ZNF354A: variants seen among roughly 807,000 people sequenced by gnomAD.
ZNF354A encodes the protein epididymis luminal protein 104.
In ZNF354A, 25 loss-of-function variants were observed where a neutral mutation model predicts 53.3. The observed-to-expected ratio is 0.47, with a 90% CI of 0.34 to 0.66. The LOEUF (loss-of-function observed/expected upper bound fraction) is 0.66. ZNF354A is among the 30% of genes least tolerant of loss of function. The pLI, the probability that ZNF354A is intolerant of heterozygous loss-of-function variation, is 0.01. For missense variants in ZNF354A, 586 were observed against 716.8 expected (o/e 0.82, Z 2.08); for synonymous variants, 228 against 249.0 (o/e 0.92, Z 0.79).
At chr5:178,729,775 G>C (rs991294750) in intron 1 of ZNF354A, among the ~76,000 whole-genome samples, 32 of 151,804 alleles carry the variant, frequency 2.1e-4, no homozygotes, top group Non-Finnish European at 4.4e-4. Flanking sequence ...TCGAACTCCT[G>C]ATCTCAGGTG....
At chr5:178,715,869 T>C (rs1364430073) in intron 4 of ZNF354A, among the ~76,000 whole-genome samples, 2 of 150,572 alleles carry the variant, frequency 1.3e-5, no homozygotes, top group Non-Finnish European at 2.9e-5. Context: ...GCCAATTCAG[T>C]CTCCACACTG....
intron 1 of ZNF354A, among the ~76,000 whole-genome samples, chr5:178,729,872 G>GCTTCTCTTTTTTTT (rs746292908): frequency 7.0e-6 from 1 of 143,338 alleles, no homozygotes; most frequent in Non-Finnish European, 1.5e-5. Context: ...CTAACACGAT[G>GCTTCTCTTTTTTTT]TTTCTTTTTT....
At position 178,711,987 on chromosome 5, in the gene ZNF354A, T is replaced by G; in HGVS notation, c.*73A>C. On this transcript the variant is annotated 3_prime_UTR_variant, in exon 5 of 5. Coordinates refer to ENST00000335815, the MANE Select transcript of ZNF354A (RefSeq NM_005649.3). ...CAGTTTTTTTCACATCCATTACATT[T>G]ATTACATCTCTCTCAAGGATGTATT... is the stretch of plus-strand genomic sequence containing the variant. 6.7e-7 allele frequency: 1 copy of G among 1,492,490 alleles called. No individual in the cohort carries two copies. The highest frequency in any genetic ancestry group is 8.9e-7 in the Non-Finnish European group (1 of 1,118,420). 92.5% of individuals were successfully genotyped at this position (1,492,490 alleles called of 1,614,324 possible).
chr5:178,719,933 C>T lies in ZNF354A; in HGVS notation c.256+5443G>A, dbSNP rs939365607. Among the ~76,000 whole-genome samples, 6 of 132,060 alleles carry T rather than the reference C, an allele frequency of 4.5e-5. No homozygotes were observed. In the South Asian group the frequency reaches 8.4e-4, roughly 19 times the overall value. The allele number at this position is 132,060 out of a possible 152,430, so 86.6% of individuals were successfully genotyped here. ...CCGCACTCCAGCCTGGGCGACAGAG[C>T]GAGACTCCGTCTCAAAAAAAAAAAA... is the stretch of plus-strand genomic sequence containing the variant. On this transcript the variant is annotated intron_variant, in intron 4 of 4. Coordinates refer to ENST00000335815, the MANE Select transcript of ZNF354A (RefSeq NM_005649.3).
rs367747046 is a variant in ZNF354A, at chr5:178,725,474, G to A, written c.161-3C>T. ...TTTTGGTTTGGTAAATGGGAGCCCTGCACATAAACAAAAAACCACAACCAA... is the reference window on the plus strand; with the variant it reads ...TTTTGGTTTGGTAAATGGGAGCCCTACACATAAACAAAAAACCACAACCAA... On this transcript the variant is annotated splice_polypyrimidine_tract_variant and splice_region_variant and intron_variant, in intron 3 of 4. Coordinates refer to ENST00000335815, the MANE Select transcript of ZNF354A (RefSeq NM_005649.3). 2 of 1,613,338 alleles carry A rather than the reference G, an allele frequency of 1.2e-6. No individual in the cohort carries two copies. Among genetic ancestry groups the A allele is most frequent in the Non-Finnish European group, 1.7e-6 (2 of 1,179,734 alleles).
chr5:178,724,218 G>C (rs371507762), intron 4 of ZNF354A, among the ~76,000 whole-genome samples: 1 of 149,428 alleles, frequency 6.7e-6, no homozygotes, highest in Non-Finnish European at 1.5e-5. Context: ...GCTCTGCAAG[G>C]CTTCCCGCCT....
intron 2 of ZNF354A, among the ~76,000 whole-genome samples, chr5:178,727,872 C>CAG (rs1226383692): frequency 6.6e-6 from 1 of 151,660 alleles, no homozygotes; most frequent in Non-Finnish European, 1.5e-5. Context: ...TTCTTTGAGA[C>CAG]AGAGTTTGGC....
At chr5:178,716,178 G>A (rs1022703029) in intron 4 of ZNF354A, among the ~76,000 whole-genome samples, 1 of 152,122 alleles carries the variant, frequency 6.6e-6, no homozygotes, top group African/African-American at 2.4e-5. Context: ...TTACAGGTGT[G>A]AGCCATCATG....
intron 4 of ZNF354A, among the ~76,000 whole-genome samples, chr5:178,714,912 G>A (rs540051682): frequency 1.2e-4 from 19 of 152,276 alleles, no homozygotes; most frequent in African/African-American, 1.4e-4. Flanking sequence ...TGAATTAATC[G>A]ACAAGAGGTG....
At chr5:178,725,564 G>T in intron 3 of ZNF354A, 93 bp from the exon 4 acceptor site, 1 of 1,330,248 alleles carries the variant, frequency 7.5e-7, no homozygotes, top group Non-Finnish European at 1.1e-6. Context: ...CTCACAGGAT[G>T]GTACAAAGAG....
At position 178,712,329 on chromosome 5, in the gene ZNF354A, T is replaced by G; in HGVS notation, c.1549A>C (p.Thr517Pro). Reference protein sequence around the residue: ...SSLSNHQRIHTGEKPYRCEEC... With the variant: ...SSLSNHQRIHPGEKPYRCEEC... ...TCACATCGATATGGTTTCTCTCCAG[T>G]ATGAATTCTCTGGTGATTACTAAGT... Residue 517 changes from threonine to proline, a missense_variant, in exon 5 of 5, where the codon ACT (threonine) becomes CCT (proline). Physicochemically the swap from Thr to Pro is conservative, Grantham distance 38. Transcript: ENST00000335815. The G allele has an allele frequency of 6.2e-7, 1 of 1,614,164 alleles. No homozygotes were observed. Among genetic ancestry groups the G allele is most frequent in the South Asian group, 1.1e-5 (1 of 91,084 alleles).
intron 4 of ZNF354A, among the ~76,000 whole-genome samples, chr5:178,715,361 T>A (rs905764745): frequency 1.3e-5 from 2 of 152,214 alleles, no homozygotes; most frequent in African/African-American, 4.8e-5. Context: ...TCTTCTTCCA[T>A]TCCTTCTTTA....
rs181837626 is a variant in ZNF354A at position 178,726,145 on chromosome 5, G to A, written c.161-674C>T. On this transcript the variant is annotated intron_variant, in intron 3 of 4. Coordinates refer to ENST00000335815, the MANE Select transcript of ZNF354A (RefSeq NM_005649.3). ...GTGTGAGCCACCGCGCCCGGCCTATGTGACTCCCTTTTAAGGATGGCAGTG... is the reference window on the plus strand; with the variant it reads ...GTGTGAGCCACCGCGCCCGGCCTATATGACTCCCTTTTAAGGATGGCAGTG... 572 of 448,954 alleles carry A rather than the reference G, an allele frequency of 1.3e-3. 2 individuals carry two copies. Among genetic ancestry groups the A allele is most frequent in the African/African-American group, 0.011 (531 of 48,950 alleles). The allele number at this position is 448,954 out of a possible 1,614,324, so 27.8% of individuals were successfully genotyped here. A position where few individuals can be genotyped will look rare whatever the true frequency, so the allele number is the denominator to read the frequency against.
intron 3 of ZNF354A, 45 bp downstream of exon 3, chr5:178,726,954 T>A (rs780932342): frequency 6.3e-7 from 1 of 1,576,500 alleles, no homozygotes; most frequent in Non-Finnish European, 8.6e-7. Flanking sequence ...GGTGCTGAGA[T>A]ATCCCAATTT....
intron 2 of ZNF354A, among the ~76,000 whole-genome samples, chr5:178,727,776 CAA>C (rs1299388930): frequency 6.6e-6 from 1 of 152,182 alleles, no homozygotes; most frequent in Non-Finnish European, 1.5e-5. Flanking sequence ...CAAGAGAAAA[CAA>C]AGTCACAGAC....
In ZNF354A at chr5:178,712,611, A is replaced by C; in HGVS notation, c.1267T>G (p.Ser423Ala). Reference protein sequence around the residue: ...NECGKGFTSISRLNRHRIIHT... With the variant: ...NECGKGFTSIARLNRHRIIHT... ...ATGATTCGGTGTCTATTAAGTCGTG[A>C]AATAGAAGTAAAGCCTTTCCCACAT... The change falls in exon 5 of 5, where the codon TCA (serine) becomes GCA (alanine). Residue 423 changes from serine (S) to alanine (A), a missense_variant. Transcript: ENST00000335815. The C allele has an allele frequency of 1.2e-6, 2 of 1,614,190 alleles. No individual in the cohort carries two copies. Among genetic ancestry groups the C allele is most frequent in the Non-Finnish European group, 1.7e-6 (2 of 1,180,028 alleles).
chr5:178,713,504 G>C lies in ZNF354A; in HGVS notation c.374C>G (p.Pro125Arg), dbSNP rs370083523. The C allele has an allele frequency of 6.2e-6, 10 of 1,613,482 alleles. No homozygotes were observed. Among genetic ancestry groups the C allele is most frequent in the Admixed American group, 3.3e-5 (2 of 59,912 alleles). The change falls in exon 5 of 5, where the codon CCT becomes CGT. Residue 125 changes from proline to arginine, a missense_variant. Pro to Arg is a moderately radical substitution (Grantham distance 103). Coordinates refer to ENST00000335815, the MANE Select transcript of ZNF354A (RefSeq NM_005649.3). ...CTCTAATCTGCCTTCATATATGTAA[G>C]GCTTTTCTAATTTCAAATCCCAAGG... ...NVPWDLKLEK[P>R]YIYEGRLEKK...
rs1765663749 is a variant in ZNF354A at position 178,713,595 on chromosome 5, T to G, written c.283A>C (p.Lys95Gln). 4 of 1,572,744 alleles carry G rather than the reference T, an allele frequency of 2.5e-6. No homozygotes were observed. Among genetic ancestry groups the G allele is most frequent in the Non-Finnish European group, 3.4e-6 (4 of 1,168,152 alleles). ...LGSKSSHKTT[K>Q]STQTQDSSFQ... ...GAAGAGTCTTGTGTTTGCGTTGACT[T>G]TGTGGTTTTATGACTGCTCTTCGAT... Residue 95 changes from lysine (K) to glutamine (Q), a missense_variant, in exon 5 of 5, where the codon AAG becomes CAG. Coordinates refer to ENST00000335815, the MANE Select transcript of ZNF354A (RefSeq NM_005649.3).
chr5:178,725,481 A>G lies in ZNF354A; in HGVS notation c.161-10T>C. 1 of 1,613,122 alleles carries G rather than the reference A, an allele frequency of 6.2e-7. No individual in the cohort carries two copies. Among genetic ancestry groups the G allele is most frequent in the East Asian group, 2.2e-5 (1 of 44,870 alleles). Reference sequence around the variant, plus strand: ...TTGGTAAATGGGAGCCCTGCACATAAACAAAAAACCACAACCAAACAAATC... The same window carrying G: ...TTGGTAAATGGGAGCCCTGCACATAGACAAAAAACCACAACCAAACAAATC... On this transcript the variant is annotated splice_polypyrimidine_tract_variant and intron_variant, in intron 3 of 4. Coordinates refer to ENST00000335815, the MANE Select transcript of ZNF354A (RefSeq NM_005649.3).
Sources: gnomAD v4.1 joint callset for allele counts (sites outside exome capture counted in the v4.1 genomes callset) on GRCh38, gnomAD v4.1.1 for gene constraint, MANE v1.5 for transcripts, NCBI Gene and HGNC (gene_info 2026-07-23, HGNC 2026-07-21) for gene names.